The following PARL variants were observed in gnomAD, a reference collection of about 807,000 sequenced individuals.
The protein encoded by PARL is presenilin-associated rhomboid-like protein, mitochondrial.
A neutral mutation model predicts 51.6 loss-of-function variants in PARL; 44 were observed. The ratio of observed to expected loss-of-function variants is 0.85; its 90% CI spans 0.67 to 1.10. The LOEUF is 1.10. PARL is among the 50% of genes least tolerant of loss of function. The pLI is 0.00. For missense variants in PARL, 441 were observed against 469.5 expected (o/e 0.94, Z 0.56); for synonymous variants, 172 against 164.0 (o/e 1.05, Z -0.37).
intron 4 of PARL, among the ~76,000 whole-genome samples, chr3:183,855,851 T>C (rs1456825224): frequency 6.6e-6 from 1 of 151,928 alleles, no homozygotes; most frequent in Non-Finnish European, 1.5e-5. Context: ...TCCCAGCTAC[T>C]TGGGAGGCTA....
intron 1 of PARL, among the ~76,000 whole-genome samples, chr3:183,880,147 G>A (rs1474449804): frequency 6.6e-6 from 1 of 152,074 alleles, no homozygotes. Context: ...AATCAGATGG[G>A]TATATAAGAC....
intron 1 of PARL, among the ~76,000 whole-genome samples, chr3:183,869,404 C>T (rs1420507210): frequency 6.6e-6 from 1 of 152,092 alleles, no homozygotes; most frequent in Non-Finnish European, 1.5e-5. Flanking sequence ...TATGGGGTTT[C>T]ACCATGTTGG....
chr3:183,879,879 A>ATTTTTTTTTTTTTTTTT (rs532111761), intron 1 of PARL: 2 of 131,310 alleles, frequency 1.5e-5, no homozygotes, highest in Non-Finnish European at 1.6e-5. Flanking sequence ...ACCAGGACTG[A>ATTTTTTTTTTTTTTTTT]TTTTTTTTTT....
chr3:183,850,599 C>A, intron 4 of PARL, among the ~76,000 whole-genome samples: 1 of 152,148 alleles, frequency 6.6e-6, no homozygotes, highest in Non-Finnish European at 1.5e-5. Context: ...AGAATTAACA[C>A]CAATCCTTCT....
chr3:183,867,439 T>A (rs534224865), intron 2 of PARL, among the ~76,000 whole-genome samples: 1 of 151,958 alleles, frequency 6.6e-6, no homozygotes, highest in Non-Finnish European at 1.5e-5. Flanking sequence ...AGTGGCTCAC[T>A]CCTGTAATCC....
intron 1 of PARL, among the ~76,000 whole-genome samples, chr3:183,873,977 T>C (rs535148163): frequency 2.2e-4 from 33 of 152,330 alleles, no homozygotes; most frequent in Non-Finnish European, 4.3e-4. Flanking sequence ...CTCGATTTAT[T>C]GTACTTCACA....
intron 1 of PARL, among the ~76,000 whole-genome samples, chr3:183,870,626 C>A (rs1021750673): frequency 2.0e-4 from 31 of 152,148 alleles, no homozygotes; most frequent in Non-Finnish European, 1.5e-5. Context: ...ACTCCAAGTG[C>A]ATCCTTCACA....
At chr3:183,876,610 TAAAAAAAA>T (rs576376716) in intron 1 of PARL, among the ~76,000 whole-genome samples, 54 of 91,810 alleles carry the variant, frequency 5.9e-4, no homozygotes, top group African/African-American at 2.3e-3. Context: ...ATACATTTTG[TAAAAAAAA>T]AAAAAAAAAA....
At chr3:183,828,784 A>C (rs772610059), downstream of PARL, among the ~76,000 whole-genome samples, 2 of 152,172 alleles carry the variant, frequency 1.3e-5, no homozygotes, top group African/African-American at 2.4e-5. Context: ...TAACATTTTG[A>C]AGCCATCAAA....
chr3:183,861,813 T>TC (rs1731865118), intron 4 of PARL, among the ~76,000 whole-genome samples: 1 of 152,212 alleles, frequency 6.6e-6, no homozygotes, highest in African/African-American at 2.4e-5. Context: ...GTCTCATCTG[T>TC]CACCCAGGTT....
At chr3:183,875,317 A>G (rs1472917821) in intron 1 of PARL, among the ~76,000 whole-genome samples, 1 of 145,538 alleles carries the variant, frequency 6.9e-6, no homozygotes, top group Non-Finnish European at 1.5e-5. Flanking sequence ...GGGGAGGTTG[A>G]GGCAGGAGAA....
At chr3:183,826,916 T>C (rs1480294127), downstream of PARL, among the ~76,000 whole-genome samples, 1 of 152,152 alleles carries the variant, frequency 6.6e-6, no homozygotes, top group Non-Finnish European at 1.5e-5. Flanking sequence ...AGTTGCTATG[T>C]GCTAGGAATA....
At chr3:183,879,747 C>T (rs1372165166) in intron 1 of PARL, 3 of 972,414 alleles carry the variant, frequency 3.1e-6, no homozygotes, top group Non-Finnish European at 3.7e-6. Flanking sequence ...GGGAGGTCCT[C>T]GCTCTGTCAC....
intron 4 of PARL, among the ~76,000 whole-genome samples, chr3:183,855,973 A>C (rs1731109662): frequency 6.7e-6 from 1 of 150,268 alleles, no homozygotes; most frequent in Middle Eastern, 3.4e-3. Context: ...TAAACAAACA[A>C]AAAAAAAAAC....
intron 4 of PARL, among the ~76,000 whole-genome samples, chr3:183,853,930 G>A (rs925547146): frequency 6.6e-6 from 1 of 152,106 alleles, no homozygotes; most frequent in African/African-American, 2.4e-5. Context: ...CACCAATCCT[G>A]TAACTGGATA....
chr3:183,832,343 C>T lies in PARL; in HGVS notation c.1028+1149G>A, dbSNP rs1294712437. Among the ~76,000 whole-genome samples, 3 of 151,960 alleles carry T rather than the reference C, an allele frequency of 2.0e-5. 1 individual carries two copies. The highest frequency in any genetic ancestry group is 1.9e-4 in the East Asian group (1 of 5,150). ...ACACCATTCTCCTGCCTCAGCCTCC[C>T]GAGTAGCTGGGACTACAGGCGCCCG... On this transcript the variant is annotated intron_variant, in intron 9 of 9. Transcript: ENST00000317096.
At chr3:183,850,558 T>C (rs1029274755) in intron 4 of PARL, among the ~76,000 whole-genome samples, 2 of 152,176 alleles carry the variant, frequency 1.3e-5, no homozygotes, top group Admixed American at 6.5e-5. Context: ...TTCAACTTAC[T>C]ACAACTGGGA....
chr3:183,884,860 G>A lies in PARL; in HGVS notation c.-14C>T, dbSNP rs1352117853. On this transcript the variant is annotated 5_prime_UTR_variant, in exon 1 of 10. An upstream open reading frame in the 5' UTR gains an earlier in-frame stop. Transcript: ENST00000317096. Reference sequence around the variant, plus strand: ...TCGCCACGCCATCTTCCCAACCTCTGCCCCACCATGGCCCGACCTTACCAA... The same window carrying A: ...TCGCCACGCCATCTTCCCAACCTCTACCCCACCATGGCCCGACCTTACCAA... 6.3e-7 allele frequency: 1 copy of A among 1,596,708 alleles called. No homozygotes were observed. The highest frequency in any genetic ancestry group is 8.5e-7 in the Non-Finnish European group (1 of 1,179,408).
intron 1 of PARL, among the ~76,000 whole-genome samples, chr3:183,878,724 A>ATTTT (rs1734119616): frequency 3.3e-5 from 5 of 152,260 alleles, no homozygotes; most frequent in Admixed American, 1.3e-4. Flanking sequence ...AAACATTGTA[A>ATTTT]TTTAGTAGGT....
Sources: allele counts gnomAD v4.1 joint callset (sites outside exome capture counted in the v4.1 genomes callset), GRCh38; gene constraint gnomAD v4.1.1; transcripts MANE v1.5; gene names NCBI Gene and HGNC (gene_info 2026-07-23, HGNC 2026-07-21).